Variants in GALNT13 observed in about 807,000 individuals in gnomAD.
GALNT13 encodes UDP-GalNAc:polypeptide N-acetylgalactosaminyltransferase 13.
Under a neutral mutation model 64.2 loss-of-function variants are expected in GALNT13, and 28 were observed. The ratio of observed to expected loss-of-function variants is 0.44; its 90% confidence interval spans 0.32 to 0.60. GALNT13 has a LOEUF of 0.60. GALNT13 is among the 20% of genes least tolerant of loss of function. The pLI, the probability that GALNT13 is intolerant of heterozygous loss-of-function variation, is 0.05. For missense variants in GALNT13, 577 were observed against 669.8 expected (o/e 0.86, Z 1.53); for synonymous variants, 214 against 224.6 (o/e 0.95, Z 0.42).
chr2:154,144,742 A>C (rs1683466406), intron 4 of GALNT13, among the ~76,000 whole-genome samples: 1 of 152,106 alleles, frequency 6.6e-6, no homozygotes, highest in Non-Finnish European at 1.5e-5. Flanking sequence ...CTATGTTTAC[A>C]CAGAGAACAG....
At chr2:153,665,366 G>C in the GALNT13 span, among the ~76,000 whole-genome samples, 1 of 152,146 alleles carries the variant, frequency 6.6e-6, no homozygotes, top group African/African-American at 2.4e-5. Context: ...AGAGAAAGTA[G>C]AATGGGTAAT....
At chr2:153,140,575 A>G in the GALNT13 span, among the ~76,000 whole-genome samples, 1 of 152,090 alleles carries the variant, frequency 6.6e-6, no homozygotes, top group Non-Finnish European at 1.5e-5. Context: ...GTAGGACCCC[A>G]GAATCTATGT....
intron 8 of GALNT13, 99 bp from the exon 9 acceptor site, chr2:154,301,310 G>A: frequency 9.7e-7 from 1 of 1,034,180 alleles, no homozygotes; most frequent in Non-Finnish European, 1.4e-6. Context: ...TCAGATATTT[G>A]CTTGAAACAT....
the GALNT13 span, among the ~76,000 whole-genome samples, chr2:153,594,894 T>C: frequency 6.6e-6 from 1 of 152,052 alleles, no homozygotes; most frequent in African/African-American, 2.4e-5. Flanking sequence ...CACTTATGAG[T>C]CCTTGGAAAA....
intron 8 of GALNT13, among the ~76,000 whole-genome samples, chr2:154,281,157 C>T (rs1353798288): frequency 6.6e-6 from 1 of 152,156 alleles, no homozygotes; most frequent in East Asian, 1.9e-4. Context: ...CTGTTTGAAA[C>T]AATTTGTGCT....
intron 9 of GALNT13, among the ~76,000 whole-genome samples, chr2:154,351,119 A>G (rs1199188531): frequency 2.0e-5 from 3 of 152,120 alleles, no homozygotes; most frequent in Non-Finnish European, 4.4e-5. Flanking sequence ...AGTCTGCATC[A>G]GGAAGCACTT....
intron 7 of GALNT13, among the ~76,000 whole-genome samples, chr2:154,250,012 A>G (rs1416067012): frequency 1.3e-5 from 2 of 152,046 alleles, no homozygotes; most frequent in African/African-American, 4.8e-5. Flanking sequence ...GTGATCATAG[A>G]AGAAGCATTG....
At chr2:153,972,226 G>T (rs971849621) in intron 3 of GALNT13, among the ~76,000 whole-genome samples, 1 of 151,818 alleles carries the variant, frequency 6.6e-6, no homozygotes, top group Admixed American at 6.6e-5. Context: ...AATTTGTTTT[G>T]GCAGCCCTAG....
chr2:153,442,034 AG>A, the GALNT13 span, among the ~76,000 whole-genome samples: 2 of 152,168 alleles, frequency 1.3e-5, no homozygotes, highest in African/African-American at 2.4e-5. Context: ...CAGTTTTCAA[AG>A]GGAATGCTTC....
chr2:154,205,643 A>G (rs1687403701), intron 4 of GALNT13, among the ~76,000 whole-genome samples: 1 of 152,184 alleles, frequency 6.6e-6, no homozygotes, highest in South Asian at 2.1e-4. Context: ...CCTCACAATC[A>G]TGGAGGAAGG....
chr2:153,434,595 T>C, the GALNT13 span, among the ~76,000 whole-genome samples: 10 of 152,238 alleles, frequency 6.6e-5, no homozygotes, highest in African/African-American at 2.4e-4. Context: ...GATGAGTTTT[T>C]TCATGTGTTT....
chr2:154,392,615 G>T (rs942799745), intron 9 of GALNT13, among the ~76,000 whole-genome samples: 2 of 152,196 alleles, frequency 1.3e-5, no homozygotes, highest in South Asian at 4.1e-4. Flanking sequence ...TTCAAAGTGA[G>T]TATAAATGAA....
chr2:154,109,161 A>G (rs1285095380), intron 3 of GALNT13, among the ~76,000 whole-genome samples: 1 of 152,084 alleles, frequency 6.6e-6, no homozygotes, highest in Non-Finnish European at 1.5e-5. Context: ...AACTCTTCCA[A>G]TTCATGAACA....
At chr2:154,285,660 G>A (rs891982985) in intron 8 of GALNT13, among the ~76,000 whole-genome samples, 7 of 152,014 alleles carry the variant, frequency 4.6e-5, no homozygotes, top group Admixed American at 2.6e-4. Context: ...TGATGCTCAA[G>A]CTTTGCTCTT....
the GALNT13 span, among the ~76,000 whole-genome samples, chr2:153,488,627 G>T: frequency 6.6e-6 from 1 of 152,158 alleles, no homozygotes; most frequent in African/African-American, 2.4e-5. Context: ...TATGGAGCTG[G>T]TGTAATGACA....
intron 9 of GALNT13, among the ~76,000 whole-genome samples, chr2:154,338,082 C>G (rs1014809336): frequency 6.6e-6 from 1 of 151,988 alleles, no homozygotes; most frequent in South Asian, 2.1e-4. Flanking sequence ...AGTACCTTGT[C>G]CCCCTGGCCT....
intron 9 of GALNT13, among the ~76,000 whole-genome samples, chr2:154,349,975 G>A (rs950759339): frequency 2.0e-5 from 3 of 152,238 alleles, no homozygotes; most frequent in Non-Finnish European, 4.4e-5. Flanking sequence ...TCAGTTCTAA[G>A]TGTTGCTAAC....
chr2:153,935,789 A>T (rs1002536379), intron 2 of GALNT13, among the ~76,000 whole-genome samples: 2 of 152,208 alleles, frequency 1.3e-5, no homozygotes, highest in African/African-American at 4.8e-5. Flanking sequence ...TTCTGGATCT[A>T]GGTGACAAAC....
At chr2:153,526,916 CAGAGTCTTTTATTAG>C in the GALNT13 span, among the ~76,000 whole-genome samples, 1 of 152,062 alleles carries the variant, frequency 6.6e-6, no homozygotes, top group Non-Finnish European at 1.5e-5. Flanking sequence ...GAAGAAGCAT[CAGAGTCTTTTATTAG>C]CAGAACTGAG....
Sources: allele counts gnomAD v4.1 joint callset (sites outside exome capture counted in the v4.1 genomes callset), GRCh38; gene constraint gnomAD v4.1.1; transcripts MANE v1.5; gene names NCBI Gene and HGNC (gene_info 2026-07-23, HGNC 2026-07-21).